TRERF1: variants seen among roughly 807,000 people sequenced by gnomAD.
TRERF1 encodes transcriptional-regulating factor 1.
In TRERF1, 27 loss-of-function variants were observed where a neutral mutation model predicts 122.9. The observed-to-expected ratio is 0.22, with a 90% CI of 0.16 to 0.30. The LOEUF (loss-of-function observed/expected upper bound fraction) is 0.30. TRERF1 is among the 10% of genes least tolerant of loss of function. The pLI is 1.00. For synonymous variants in TRERF1, 636 were observed against 641.7 expected (o/e 0.99, Z 0.13); for missense variants, 1,248 against 1,560.3 (o/e 0.80, Z 3.37).
At chr6:42,428,054 T>C (rs565547506) in intron 2 of TRERF1, among the ~76,000 whole-genome samples, 42 of 152,032 alleles carry the variant, frequency 2.8e-4, no homozygotes, top group Non-Finnish European at 5.1e-4. Flanking sequence ...GGGCCGGAAA[T>C]AGGAGTCAAG....
At chr6:42,351,164 A>G (rs1769376192) in intron 3 of TRERF1, among the ~76,000 whole-genome samples, 1 of 152,242 alleles carries the variant, frequency 6.6e-6, no homozygotes, top group African/African-American at 2.4e-5. Context: ...GGATGCCCTG[A>G]AATAGAAATC....
chr6:42,445,574 A>G (rs1258963483), intron 2 of TRERF1, among the ~76,000 whole-genome samples: 3 of 151,066 alleles, frequency 2.0e-5, no homozygotes, highest in Admixed American at 1.3e-4. Flanking sequence ...GGCACCTCAA[A>G]CTTAGTGGTG....
intron 5 of TRERF1, 131 bp from the exon 6 acceptor site, chr6:42,265,928 C>T (rs1023107349): frequency 4.8e-5 from 43 of 904,128 alleles, no homozygotes; most frequent in Non-Finnish European, 7.1e-5. Context: ...TCGTGCTGAC[C>T]CCATTCATGT....
chr6:42,405,543 C>T (rs1780042991), intron 2 of TRERF1, among the ~76,000 whole-genome samples: 1 of 152,016 alleles, frequency 6.6e-6, no homozygotes, highest in African/African-American at 2.4e-5. Flanking sequence ...ACCTGTAATC[C>T]CAGCATTTTG....
chr6:42,265,909 C>G, intron 5 of TRERF1, 112 bp from the exon 6 acceptor site: 2 of 1,137,388 alleles, frequency 1.8e-6, no homozygotes, highest in African/African-American at 1.5e-5. Context: ...ACTCTTTCTG[C>G]TGTCTGCTTC....
intron 3 of TRERF1, among the ~76,000 whole-genome samples, chr6:42,326,991 T>C (rs1477618429): frequency 6.6e-6 from 1 of 152,182 alleles, no homozygotes; most frequent in African/African-American, 2.4e-5. Flanking sequence ...ATAGTATCTC[T>C]TCTAGCAGCA....
At chr6:42,225,627 G>C (rs546901731) in exon 18 of TRERF1, 4 of 151,708 alleles carry the variant, frequency 2.6e-5, no homozygotes, top group African/African-American at 9.7e-5. Flanking sequence ...TCCTGATATG[G>C]AAGGCATGCA....
At chr6:42,358,840 G>C (rs950938489) in intron 3 of TRERF1, among the ~76,000 whole-genome samples, 3 of 121,134 alleles carry the variant, frequency 2.5e-5, no homozygotes, top group African/African-American at 9.4e-5. Flanking sequence ...ATCTTCATTT[G>C]AGAACCACTA....
intron 4 of TRERF1, among the ~76,000 whole-genome samples, chr6:42,284,231 ATTT>A: frequency 7.2e-6 from 1 of 139,650 alleles, no homozygotes; most frequent in South Asian, 2.3e-4. Context: ...ATAATTTTTA[ATTT>A]TTTTTTTTTT....
intron 2 of TRERF1, among the ~76,000 whole-genome samples, chr6:42,436,813 AAATATAT>A (rs1475247136): frequency 3.7e-5 from 4 of 106,910 alleles, no homozygotes; most frequent in Non-Finnish European, 5.6e-5. Context: ...AAAAAAAAAA[AAATATAT>A]ATATATATAT....
In TRERF1 at chr6:42,268,504, C is replaced by G. The variant is rs774831869; in HGVS notation, c.1087G>C (p.Ala363Pro). The G allele has an allele frequency of 1.9e-6, 3 of 1,613,038 alleles. No individual in the cohort carries two copies. In the African/African-American group the frequency reaches 4.0e-5, roughly 22 times the overall value. ...AGGGGAATCAGCTGGACAGTGTGTG[C>G]CTGCTCTGGGGTATACTGGTGAGGG... Residue 363 changes from alanine (A) to proline (P), a missense_variant, in exon 5 of 18, where the codon GCA (alanine) becomes CCA (proline). Ala to Pro is a conservative substitution (Grantham distance 27, BLOSUM62 -1). Around this residue, in one of 5 missense-constraint regions of TRERF1, gnomAD observed 946 missense variants for 1,073.0 expected, o/e 0.88. Transcript: ENST00000372922. This position sits in a 1 kb window ranked among gnomAD's most constrained non-coding sequence, Gnocchi z 4.4.
At chr6:42,410,861 T>C (rs1426064874) in intron 2 of TRERF1, among the ~76,000 whole-genome samples, 1 of 152,220 alleles carries the variant, frequency 6.6e-6, no homozygotes, top group African/African-American at 2.4e-5. Context: ...GCTGTGTGTT[T>C]ACATGAAATT....
chr6:42,375,003 CAAAAAAAAAAA>C (rs55696342), intron 2 of TRERF1, among the ~76,000 whole-genome samples: 1 of 87,514 alleles, frequency 1.1e-5, no homozygotes, highest in African/African-American at 4.3e-5. Context: ...AAGATTCTGT[CAAAAAAAAAAA>C]AAAAAAAAAA....
At chr6:42,390,583 G>T (rs1777562217) in intron 2 of TRERF1, among the ~76,000 whole-genome samples, 1 of 152,160 alleles carries the variant, frequency 6.6e-6, no homozygotes, top group African/African-American at 2.4e-5. Flanking sequence ...TCACTGTAAG[G>T]TTTCAGTGGG....
intron 3 of TRERF1, among the ~76,000 whole-genome samples, chr6:42,315,717 C>G (rs116288952): frequency 1.6e-4 from 23 of 145,064 alleles, no homozygotes; most frequent in Non-Finnish European, 2.3e-4. Context: ...CCCCCCCCCC[C>G]ACCCACTGCC....
chr6:42,446,794 G>A (rs554426964), intron 2 of TRERF1, among the ~76,000 whole-genome samples: 2 of 152,248 alleles, frequency 1.3e-5, no homozygotes, highest in Admixed American at 6.5e-5. Context: ...CTTGAGGCTA[G>A]GAGTTCAAGA....
At chr6:42,271,022 C>A (rs1029169132) in intron 4 of TRERF1, among the ~76,000 whole-genome samples, 1 of 151,192 alleles carries the variant, frequency 6.6e-6, no homozygotes, top group East Asian at 2.0e-4. Flanking sequence ...CTGTCTCTAT[C>A]AAAAATACAA....
At chr6:42,401,465 A>T (rs1779379779) in intron 2 of TRERF1, among the ~76,000 whole-genome samples, 1 of 152,190 alleles carries the variant, frequency 6.6e-6, no homozygotes, top group South Asian at 2.1e-4. Context: ...AATTGTTATT[A>T]TCCCCATTTT....
chr6:42,294,464 G>A (rs772211711), intron 4 of TRERF1, among the ~76,000 whole-genome samples: 1 of 152,082 alleles, frequency 6.6e-6, no homozygotes, highest in Admixed American at 6.6e-5. Flanking sequence ...ACAGGCATGA[G>A]CCACCGCGCC....
Sources: gnomAD v4.1 joint callset for allele counts (sites outside exome capture counted in the v4.1 genomes callset) on GRCh38, gnomAD v4.1.1 for gene constraint, gnomAD v4.1.1 regional missense constraint, Gnocchi (gnomAD v3.1) non-coding constraint, MANE v1.5 for transcripts, NCBI Gene and HGNC (gene_info 2026-07-23, HGNC 2026-07-21) for gene names.